The following ZNF233 variants were observed in gnomAD, a reference collection of about 807,000 sequenced individuals.
ZNF233 encodes zinc finger protein 233.
Under a neutral mutation model 11.6 loss-of-function variants are expected in ZNF233, and 7 were observed. That is an observed-to-expected ratio of 0.60 (90% CI 0.34 to 1.13). ZNF233 has a LOEUF of 1.13. Ranked by LOEUF, ZNF233 falls within the 50% of genes most tolerant of loss-of-function variation. The pLI is 0.03. For synonymous variants in ZNF233, 226 were observed against 268.5 expected (o/e 0.84, Z 1.55); for missense variants, 711 against 785.5 (o/e 0.91, Z 1.13).
At chr19:44,270,177 TGTTA>T (rs1266520014) in intron 4 of ZNF233, among the ~76,000 whole-genome samples, 2 of 152,048 alleles carry the variant, frequency 1.3e-5, no homozygotes, top group South Asian at 2.1e-4. Flanking sequence ...ATGACACCTG[TGTTA>T]GTTATCAATT....
At chr19:44,260,355 T>A (rs1974902398) in intron 1 of ZNF233, 1 of 153,828 alleles carries the variant, frequency 6.5e-6, no homozygotes, top group Non-Finnish European at 1.4e-5. Context: ...AGGTGGCTGG[T>A]TGTTGCCAAT....
At chr19:44,271,497 G>A (rs1436129086) in intron 4 of ZNF233, among the ~76,000 whole-genome samples, 1 of 151,976 alleles carries the variant, frequency 6.6e-6, no homozygotes. Flanking sequence ...CATCTGCCAC[G>A]GAAAAGAGGA....
At chr19:44,261,328 T>C (rs1264990087) in intron 1 of ZNF233, among the ~76,000 whole-genome samples, 2 of 152,056 alleles carry the variant, frequency 1.3e-5, no homozygotes, top group East Asian at 1.9e-4. Context: ...CTTGGGAGGC[T>C]GAGGCAGGAG....
At chr19:44,262,543 T>A (rs1974967006) in intron 1 of ZNF233, among the ~76,000 whole-genome samples, 1 of 152,152 alleles carries the variant, frequency 6.6e-6, no homozygotes, top group South Asian at 2.1e-4. Flanking sequence ...AGGGTGCAGG[T>A]AAATATAGGA....
intron 4 of ZNF233, chr19:44,267,334 T>C (rs1159474143): frequency 2.5e-6 from 1 of 399,140 alleles, no homozygotes; most frequent in Non-Finnish European, 4.4e-6. Flanking sequence ...GTGTGTTTCT[T>C]ATACATGCCA....
At chr19:44,270,907 T>C (rs1975220905) in intron 4 of ZNF233, among the ~76,000 whole-genome samples, 1 of 152,144 alleles carries the variant, frequency 6.6e-6, no homozygotes, top group Admixed American at 6.5e-5. Context: ...ACTTCTGCCA[T>C]ATTCTATTGG....
chr19:44,266,656 G>C (rs1280215472), intron 3 of ZNF233, among the ~76,000 whole-genome samples: 1 of 152,120 alleles, frequency 6.6e-6, no homozygotes, highest in African/African-American at 2.4e-5. Context: ...AGTAGATAAT[G>C]GTTAGGATCA....
At chr19:44,272,397 T>G (rs1044779509) in intron 4 of ZNF233, among the ~76,000 whole-genome samples, 2 of 151,494 alleles carry the variant, frequency 1.3e-5, no homozygotes, top group African/African-American at 2.4e-5. Flanking sequence ...CATTAACATT[T>G]TGTATATAGA....
intron 4 of ZNF233, among the ~76,000 whole-genome samples, chr19:44,271,744 T>A (rs528833505): frequency 6.6e-6 from 1 of 151,900 alleles, no homozygotes; most frequent in South Asian, 2.1e-4. Context: ...TCTCCTGACC[T>A]CGTGATCCAC....
intron 2 of ZNF233, 87 bp from the exon 3 acceptor site, chr19:44,266,111 T>C: frequency 1.4e-6 from 2 of 1,405,674 alleles, no homozygotes; most frequent in East Asian, 2.7e-5. Flanking sequence ...AACGTCTTCC[T>C]GCCTGTTCTT....
intron 1 of ZNF233, among the ~76,000 whole-genome samples, chr19:44,261,077 G>A (rs1209201254): frequency 6.6e-6 from 1 of 152,178 alleles, no homozygotes; most frequent in East Asian, 1.9e-4. Flanking sequence ...TGAACTGGGA[G>A]TTTGAGCTCA....
Position 44,273,860 on chromosome 19 carries a change from T to G in ZNF233, c.1200T>G (p.Cys400Trp), listed in dbSNP as rs771793933. The G allele has an allele frequency of 3.1e-6, 5 of 1,614,036 alleles. No homozygotes were observed. Among genetic ancestry groups the G allele is most frequent in the Non-Finnish European group, 4.2e-6 (5 of 1,180,010 alleles). Reference protein sequence around the residue: ...VDSAGERACKCDVYDKGFSQT... With the variant: ...VDSAGERACKWDVYDKGFSQT... ...GTGCTGGAGAGAGAGCCTGTAAATG[T>G]GATGTATATGATAAAGGCTTCAGTC... The change falls in exon 5 of 5, where the codon TGT becomes TGG. Residue 400 changes from cysteine (C) to tryptophan (W), a missense_variant. By Grantham distance (215) the Cys-to-Trp change is radical. Coordinates refer to ENST00000683810, the MANE Select transcript of ZNF233 (RefSeq NM_001207005.2).
At position 44,267,064 on chromosome 19, in the gene ZNF233, G is replaced by A. The variant is rs534828770; in HGVS notation, c.238+103G>A. ...CTGGCCCAAGACCCCAGAATTCATC[G>A]CCCTGGTTTACTGCAGCAGCTTGCA... On this transcript the variant is annotated intron_variant, in intron 4 of 4. Transcript: ENST00000683810. 113 of 784,990 alleles carry A rather than the reference G, an allele frequency of 1.4e-4. No homozygotes were observed. In the African/African-American group the frequency reaches 1.6e-3, roughly 11 times the overall value. 48.6% of individuals were successfully genotyped at this position (784,990 alleles called of 1,614,324 possible).
chr19:44,269,296 GTTTTTT>G (rs1165961635), intron 4 of ZNF233, among the ~76,000 whole-genome samples: 2 of 142,374 alleles, frequency 1.4e-5, no homozygotes, highest in African/African-American at 5.2e-5. Context: ...GACTGTTTTT[GTTTTTT>G]TTTTCTTTTT....
At chr19:44,261,424 T>C (rs980643087) in intron 1 of ZNF233, among the ~76,000 whole-genome samples, 1 of 151,830 alleles carries the variant, frequency 6.6e-6, no homozygotes, top group African/African-American at 2.4e-5. Context: ...TGAGAGTCTG[T>C]CTCAAAAAAA....
chr19:44,271,640 G>A (rs1480071559), intron 4 of ZNF233, among the ~76,000 whole-genome samples: 1 of 151,900 alleles, frequency 6.6e-6, no homozygotes, highest in African/African-American at 2.4e-5. Context: ...CTCCCGAGTA[G>A]CCGGGACTAC....
intron 1 of ZNF233, among the ~76,000 whole-genome samples, chr19:44,262,773 G>A (rs1192314433): frequency 6.6e-6 from 1 of 152,144 alleles, no homozygotes; most frequent in Non-Finnish European, 1.5e-5. Flanking sequence ...TTATGGGTGA[G>A]GAAATAGGCA....
chr19:44,264,503 G>A, intron 2 of ZNF233, 128 bp downstream of exon 2: 1 of 797,400 alleles, frequency 1.3e-6, no homozygotes, highest in Middle Eastern at 3.1e-4. Context: ...CTAGTTACTT[G>A]ATTTTCGATT....
intron 3 of ZNF233, 62 bp from the exon 4 acceptor site, chr19:44,266,804 T>A: frequency 7.9e-7 from 1 of 1,259,958 alleles, no homozygotes; most frequent in Non-Finnish European, 1.1e-6. Context: ...ATGGTGGTGT[T>A]GGAATTAAAA....
Sources: gnomAD v4.1 joint callset for allele counts (sites outside exome capture counted in the v4.1 genomes callset) on GRCh38, gnomAD v4.1.1 for gene constraint, MANE v1.5 for transcripts, NCBI Gene and HGNC (gene_info 2026-07-23, HGNC 2026-07-21) for gene names.